Variants in PCDHGB5 observed in about 807,000 individuals in gnomAD.
PCDHGB5 encodes the protein protocadherin gamma subfamily B, 5, also known as protocadherin gamma-B5.
Under a neutral mutation model 62.9 loss-of-function variants are expected in PCDHGB5, and 48 were observed. The ratio of observed to expected loss-of-function variants is 0.76; its 90% CI spans 0.61 to 0.97. PCDHGB5 has a LOEUF of 0.97. Among genes scored for constraint, PCDHGB5 ranks in the 50% least tolerant of loss-of-function variants. The pLI, the probability that PCDHGB5 is intolerant of heterozygous loss-of-function variation, is 0.00. For missense variants in PCDHGB5, 1,118 were observed against 1,198.6 expected (o/e 0.93, Z 0.99); for synonymous variants, 474 against 511.2 (o/e 0.93, Z 0.98).
rs766852982 is a variant in PCDHGB5, at chr5:141,486,907, A to G, written c.2398-7900A>G. ...CCCGGCCTGGTTCCTTATGTCCCCA[A>G]GCACTGCCTCCATCAGTTGGTGCTG... On this transcript the variant is annotated intron_variant, in intron 1 of 3. Coordinates refer to ENST00000617380, the MANE Select transcript of PCDHGB5 (RefSeq NM_018925.3). The surrounding 1 kb of genome is among the most constrained non-coding windows in gnomAD (Gnocchi z 5.0). 6.2e-5 allele frequency: 100 copies of G among 1,614,122 alleles called. No homozygotes were observed. The highest frequency in any genetic ancestry group is 8.0e-5 in the Non-Finnish European group (94 of 1,180,056).
At chr5:141,418,337 C>G (rs1308299122) in intron 1 of PCDHGB5, 1 of 1,613,972 alleles carries the variant, frequency 6.2e-7, no homozygotes, top group East Asian at 2.2e-5. Context: ...TGCAGAAGAT[C>G]CTGATATTAG....
At position 141,432,781 on chromosome 5, in the gene PCDHGB5, C is replaced by T. The variant is rs761954375; in HGVS notation, c.2397+32257C>T. On this transcript the variant is annotated intron_variant, in intron 1 of 3. Coordinates refer to ENST00000617380, the MANE Select transcript of PCDHGB5 (RefSeq NM_018925.3). This position sits in a 1 kb window ranked among gnomAD's most constrained non-coding sequence, Gnocchi z 6.0. ...ACAGCATCCCCCAAGTCCTGGCGGA[C>T]CTCGGCAGCCTCGAGTCTCCAGCTA... The T allele has an allele frequency of 3.1e-6, 5 of 1,614,064 alleles. No homozygotes were observed. The Admixed American group carries it at 8.3e-5, about 27-fold the overall frequency.
At chr5:141,417,555 TAGAGA>T (rs926975589) in intron 1 of PCDHGB5, 38 of 335,630 alleles carry the variant, frequency 1.1e-4, no homozygotes, top group Non-Finnish European at 1.5e-4. Context: ...TTGAAAGAGG[TAGAGA>T]AAAGTCAAGT....
Position 141,486,793 on chromosome 5 carries a change from G to C in PCDHGB5, c.2398-8014G>C. ...AGTTTGAGGTGCAGGCCCGGGATCG[G>C]GGCAACCCACCCCTTAGCAGCACTG... is the stretch of plus-strand genomic sequence containing the variant. On this transcript the variant is annotated intron_variant, in intron 1 of 3. Transcript: ENST00000617380. This position sits in a 1 kb window ranked among gnomAD's most constrained non-coding sequence, Gnocchi z 5.0. 6.2e-7 allele frequency: 1 copy of C among 1,614,244 alleles called. No homozygotes were observed. Among genetic ancestry groups the C allele is most frequent in the Non-Finnish European group, 8.5e-7 (1 of 1,180,050 alleles).
At chr5:141,410,858 T>A in intron 1 of PCDHGB5, 1 of 436,188 alleles carries the variant, frequency 2.3e-6, no homozygotes, top group Non-Finnish European at 3.8e-6. Context: ...TCTTTTTTTT[T>A]TTTTTTTTTT....
At chr5:141,451,779 G>T (rs1284464259) in intron 1 of PCDHGB5, among the ~76,000 whole-genome samples, 1 of 152,070 alleles carries the variant, frequency 6.6e-6, no homozygotes, top group Non-Finnish European at 1.5e-5. Flanking sequence ...TACTCAGGAG[G>T]CTGAGGCCAG....
At chr5:141,498,012 A>T (rs184213306) in intron 2 of PCDHGB5, among the ~76,000 whole-genome samples, 6 of 152,348 alleles carry the variant, frequency 3.9e-5, no homozygotes, top group Non-Finnish European at 8.8e-5. Context: ...CAGTGCACTG[A>T]AGGAGACAAA....
rs753114593 is a variant in PCDHGB5, at chr5:141,398,251, C to G, written c.124C>G (p.Pro42Ala). The G allele has an allele frequency of 6.8e-7, 1 of 1,464,006 alleles. No homozygotes were observed. Among genetic ancestry groups the G allele is most frequent in the East Asian group, 2.5e-5 (1 of 40,490 alleles). 90.7% of individuals were successfully genotyped at this position (1,464,006 alleles called of 1,614,324 possible). A position where few individuals can be genotyped will look rare whatever the true frequency, so the allele number is the denominator to read the frequency against. ...QIRYRIPEEM[P>A]KGSVVGNLAT... is the part of the protein sequence containing the mutation. ...CCGCTACAGGATTCCCGAGGAAATG[C>G]CCAAGGGCTCCGTAGTGGGGAACCT... is the stretch of plus-strand genomic sequence containing the variant. Residue 42 changes from proline (P) to alanine (A), a missense_variant, in exon 1 of 4, where the codon CCC becomes GCC. By Grantham distance (27) the Pro-to-Ala change is conservative (BLOSUM62 -1). This residue lies in a region of PCDHGB5 where 84 missense variants were observed against 169.5 expected (regional missense o/e 0.50). Coordinates refer to ENST00000617380, the MANE Select transcript of PCDHGB5 (RefSeq NM_018925.3).
Position 141,485,447 on chromosome 5 carries a change from C to G in PCDHGB5, c.2398-9360C>G, listed in dbSNP as rs1233800346. 6.2e-7 allele frequency: 1 copy of G among 1,614,144 alleles called. No individual in the cohort carries two copies. The highest frequency in any genetic ancestry group is 8.5e-7 in the Non-Finnish European group (1 of 1,180,036). On this transcript the variant is annotated intron_variant, in intron 1 of 3. Transcript: ENST00000617380. This position sits in a 1 kb window ranked among gnomAD's most constrained non-coding sequence, Gnocchi z 5.7. ...CCTGCTCATCAAGAACCCAATCGAC[C>G]GAGAGGCACTGTGTGGGCTCAGTGC... is the stretch of plus-strand genomic sequence containing the variant.
At chr5:141,503,335 G>A (rs111643076) in intron 2 of PCDHGB5, among the ~76,000 whole-genome samples, 108 of 152,220 alleles carry the variant, frequency 7.1e-4, no homozygotes, top group African/African-American at 2.4e-3. Context: ...GGTGGCTCAC[G>A]CCTGTAATTC....
At chr5:141,415,551 C>T (rs745641887) in intron 1 of PCDHGB5, 1 of 1,614,132 alleles carries the variant, frequency 6.2e-7, no homozygotes, top group South Asian at 1.1e-5. Context: ...GTGAGAAAAA[C>T]GATCCTTTGT....
intron 1 of PCDHGB5, among the ~76,000 whole-genome samples, chr5:141,429,720 A>G (rs571388976): frequency 6.6e-6 from 1 of 152,340 alleles, no homozygotes; most frequent in South Asian, 2.1e-4. Context: ...TACGCTCATG[A>G]AAGTACGTAG....
At chr5:141,403,758 T>G in intron 1 of PCDHGB5, 1 of 1,613,922 alleles carries the variant, frequency 6.2e-7, no homozygotes, top group Non-Finnish European at 8.5e-7. Context: ...GCCAGCGACC[T>G]GGATGAGGGA....
chr5:141,428,794 T>C (rs2097161574), intron 1 of PCDHGB5: 1 of 152,852 alleles, frequency 6.5e-6, no homozygotes, highest in African/African-American at 2.4e-5. Context: ...CCTTTCTGTG[T>C]GGGCCAGTAA....
At chr5:141,459,149 T>C (rs2098961903) in intron 1 of PCDHGB5, among the ~76,000 whole-genome samples, 1 of 152,234 alleles carries the variant, frequency 6.6e-6, no homozygotes, top group Non-Finnish European at 1.5e-5. Context: ...AATCAAAATA[T>C]AGAACATTTC....
At chr5:141,478,417 C>G in intron 1 of PCDHGB5, 1 of 1,613,652 alleles carries the variant, frequency 6.2e-7, no homozygotes, top group Non-Finnish European at 8.5e-7. Context: ...CGGACTCCCG[C>G]CGCAGCGACC....
In PCDHGB5 at chr5:141,485,470, T is replaced by C; in HGVS notation, c.2398-9337T>C. ...ACCGAGAGGCACTGTGTGGGCTCAG[T>C]GCCAGCTGCATCGTGCCCCTGGAGT... On this transcript the variant is annotated intron_variant, in intron 1 of 3. Coordinates refer to ENST00000617380, the MANE Select transcript of PCDHGB5 (RefSeq NM_018925.3). This position sits in a 1 kb window ranked among gnomAD's most constrained non-coding sequence, Gnocchi z 5.7. 1.9e-6 allele frequency: 3 copies of C among 1,614,110 alleles called. No individual in the cohort carries two copies. The highest frequency in any genetic ancestry group is 2.5e-6 in the Non-Finnish European group (3 of 1,180,002).
chr5:141,464,394 G>A (rs1277856342), intron 1 of PCDHGB5, among the ~76,000 whole-genome samples: 1 of 150,654 alleles, frequency 6.6e-6, no homozygotes. Context: ...TGCTAATGAA[G>A]AACCTGAGAT....
chr5:141,506,280 C>CT (rs1455257972), intron 3 of PCDHGB5, among the ~76,000 whole-genome samples: 1 of 152,024 alleles, frequency 6.6e-6, no homozygotes, highest in Non-Finnish European at 1.5e-5. Flanking sequence ...GAAACCCTGT[C>CT]TCTACTAAAA....
Sources: allele counts gnomAD v4.1 joint callset (sites outside exome capture counted in the v4.1 genomes callset), GRCh38; gene constraint gnomAD v4.1.1; regional missense constraint gnomAD v4.1.1; non-coding constraint Gnocchi (gnomAD v3.1); transcripts MANE v1.5; gene names NCBI Gene and HGNC (gene_info 2026-07-23, HGNC 2026-07-21).